PDE4D: variants seen among roughly 807,000 people sequenced by gnomAD.
PDE4D encodes phosphodiesterase 4D, also known as 3',5'-cyclic-AMP phosphodiesterase 4D.
Under a neutral mutation model 87.4 loss-of-function variants are expected in PDE4D, and 24 were observed. That is an observed-to-expected ratio of 0.27 (90% CI 0.20 to 0.39). The LOEUF (loss-of-function observed/expected upper bound fraction) is 0.39, where lower values mean the gene tolerates loss of function less well. Ranked by LOEUF, PDE4D falls within the 10% of genes least tolerant of loss-of-function variation. PDE4D has a pLI of 1.00. For synonymous variants in PDE4D, 384 were observed against 383.2 expected, an observed-to-expected ratio of 1.00 and a Z score of -0.02; for missense variants, 714 against 1,041.0, an observed-to-expected ratio of 0.69 and a Z score of 4.32.
At chr5:60,375,524 T>C (rs554572530) in intron 1 of PDE4D, among the ~76,000 whole-genome samples, 1 of 152,332 alleles carries the variant, frequency 6.6e-6, no homozygotes, top group African/African-American at 2.4e-5. Flanking sequence ...ATTGAGTACT[T>C]AATTTGTGCC....
chr5:59,194,085 A>C (rs1403417356), intron 2 of PDE4D, among the ~76,000 whole-genome samples: 3 of 152,192 alleles, frequency 2.0e-5, no homozygotes, highest in Non-Finnish European at 4.4e-5. Context: ...CACTGTAGTC[A>C]CTGGGAAATG....
chr5:60,084,949 A>C (rs1411901388), intron 2 of PDE4D, among the ~76,000 whole-genome samples: 2 of 152,190 alleles, frequency 1.3e-5, no homozygotes. Context: ...CTACACAAAG[A>C]CCAATTCTGA....
chr5:59,380,673 A>C (rs1047266680), intron 1 of PDE4D, among the ~76,000 whole-genome samples: 1 of 152,194 alleles, frequency 6.6e-6, no homozygotes, highest in African/African-American at 2.4e-5. Context: ...AATTCATCAA[A>C]GCTTTTGAGA....
At chr5:60,385,091 C>T (rs1197195601) in intron 1 of PDE4D, among the ~76,000 whole-genome samples, 1 of 152,174 alleles carries the variant, frequency 6.6e-6, no homozygotes, top group Non-Finnish European at 1.5e-5. Flanking sequence ...ATCCAGACTC[C>T]GCCTTCATTG....
chr5:59,475,152 T>C (rs537280409), intron 1 of PDE4D, among the ~76,000 whole-genome samples: 2 of 151,902 alleles, frequency 1.3e-5, no homozygotes, highest in Non-Finnish European at 2.9e-5. Context: ...TCCTGGATTA[T>C]TTCCACTGGC....
intron 6 of PDE4D, among the ~76,000 whole-genome samples, chr5:59,033,084 A>C (rs1757871235): frequency 6.6e-6 from 1 of 152,194 alleles, no homozygotes; most frequent in African/African-American, 2.4e-5. Flanking sequence ...AAAAACAAGA[A>C]GCTCTGAATA....
intron 1 of PDE4D, among the ~76,000 whole-genome samples, chr5:59,293,345 T>A (rs1768416201): frequency 6.6e-6 from 1 of 152,110 alleles, no homozygotes; most frequent in South Asian, 2.1e-4. Flanking sequence ...CCCACCAGGA[T>A]GAGAGTCATT....
At chr5:58,995,123 T>A (rs1561262069) in intron 6 of PDE4D, among the ~76,000 whole-genome samples, 1 of 152,146 alleles carries the variant, frequency 6.6e-6, no homozygotes, top group Non-Finnish European at 1.5e-5. Flanking sequence ...TCTAGAAAGC[T>A]TAGTCTCAAA....
At chr5:59,288,984 TAAG>T (rs568347235) in intron 1 of PDE4D, among the ~76,000 whole-genome samples, 181 of 152,038 alleles carry the variant, frequency 1.2e-3, no homozygotes, top group African/African-American at 4.1e-3. Context: ...TAATGAGCAA[TAAG>T]AAATCATCTG....
intron 1 of PDE4D, among the ~76,000 whole-genome samples, chr5:60,199,669 A>C (rs754542854): frequency 6.6e-6 from 1 of 151,762 alleles, no homozygotes; most frequent in Non-Finnish European, 1.5e-5. Context: ...AAGCGAAAGC[A>C]TATAAATGAA....
chr5:59,047,697 T>C (rs1163324737), intron 5 of PDE4D, among the ~76,000 whole-genome samples: 3 of 152,222 alleles, frequency 2.0e-5, no homozygotes, highest in African/African-American at 7.2e-5. Flanking sequence ...AATATTGTTA[T>C]GGACTGAATG....
intron 1 of PDE4D, among the ~76,000 whole-genome samples, chr5:60,369,265 C>T (rs1760808009): frequency 6.6e-6 from 1 of 152,060 alleles, no homozygotes; most frequent in Non-Finnish European, 1.5e-5. Context: ...GGTGCTGCTG[C>T]TTTGTTTGTG....
rs562901248 is a variant in PDE4D at position 59,458,786 on chromosome 5, T to C, written c.456-242818A>G. ...CTTAACTGACATAGTTCTGTCAGTGTTACTACTCTGGATCTGCAATGAAAT... is the reference window on the plus strand; with the variant it reads ...CTTAACTGACATAGTTCTGTCAGTGCTACTACTCTGGATCTGCAATGAAAT... On this transcript the variant is annotated intron_variant, in intron 1 of 14. Transcript: ENST00000340635. Among the ~76,000 whole-genome samples the C allele has an allele frequency of 3.0e-4, 45 of 152,322 alleles. No individual in the cohort carries two copies. In the South Asian group the frequency reaches 9.3e-3, roughly 32 times the overall value.
chr5:59,784,162 G>A (rs1159197607), intron 1 of PDE4D, among the ~76,000 whole-genome samples: 1 of 151,846 alleles, frequency 6.6e-6, no homozygotes, highest in Non-Finnish European at 1.5e-5. Context: ...GAAACAGGAT[G>A]AGGAGTTCCC....
At chr5:59,920,809 A>T (rs1012812040) in intron 3 of PDE4D, among the ~76,000 whole-genome samples, 1 of 145,666 alleles carries the variant, frequency 6.9e-6, no homozygotes, top group Admixed American at 7.0e-5. Flanking sequence ...GAACTGAACA[A>T]TGAGAACACT....
rs1747077057 is a variant in PDE4D, at chr5:60,241,265, CTCTCTCTT to C, written c.-89-55586_-89-55579del. 5.1e-5 allele frequency among the ~76,000 whole-genome samples: 7 copies of C among 136,206 alleles called. No homozygotes were observed. In the South Asian group the frequency reaches 1.5e-3, roughly 29 times the overall value. 89.4% of individuals were successfully genotyped at this position (136,206 alleles called of 152,430 possible). ...AGAATACATCAGAGTCTCTCTCTCT[CTCTCTCTT>C]TTTTTTTTTTTTTTTTTTCAGATGC... On this transcript the variant is annotated intron_variant, in intron 1 of 16. Transcript: ENST00000502484.
intron 1 of PDE4D, among the ~76,000 whole-genome samples, chr5:59,257,330 CA>C (rs1761168357): frequency 6.6e-6 from 1 of 151,892 alleles, no homozygotes; most frequent in African/African-American, 2.4e-5. Flanking sequence ...AAAAGAACAC[CA>C]CATACATCCT....
chr5:60,399,743 A>G (rs939207122), intron 1 of PDE4D, among the ~76,000 whole-genome samples: 2 of 152,250 alleles, frequency 1.3e-5, no homozygotes, highest in Non-Finnish European at 2.9e-5. Flanking sequence ...CCCCATGCCC[A>G]GTGTTCAGCA....
chr5:58,994,409 C>T (rs768486254), intron 6 of PDE4D, among the ~76,000 whole-genome samples: 10 of 152,148 alleles, frequency 6.6e-5, no homozygotes, highest in East Asian at 3.9e-4. Context: ...AACAACCCGA[C>T]GAGGCCTTTT....
Sources: allele counts gnomAD v4.1 joint callset (sites outside exome capture counted in the v4.1 genomes callset), GRCh38; gene constraint gnomAD v4.1.1; transcripts MANE v1.5; gene names NCBI Gene and HGNC (gene_info 2026-07-23, HGNC 2026-07-21).